PCDHGA3: variants seen among roughly 807,000 people sequenced by gnomAD.
PCDHGA3 encodes the protein protocadherin gamma-A3.
A neutral mutation model predicts 58.5 loss-of-function variants in PCDHGA3; 40 were observed. The ratio of observed to expected loss-of-function variants is 0.68; its 90% CI spans 0.53 to 0.89. The LOEUF (loss-of-function observed/expected upper bound fraction) is 0.89, where lower values mean the gene tolerates loss of function less well. Ranked by LOEUF, PCDHGA3 falls within the 40% of genes least tolerant of loss-of-function variation. The pLI, the probability that PCDHGA3 is intolerant of heterozygous loss-of-function variation, is 0.00. For missense variants in PCDHGA3, 1,223 were observed against 1,195.9 expected, an observed-to-expected ratio of 1.02 and a Z score of -0.33; for synonymous variants, 530 against 525.7, an observed-to-expected ratio of 1.01 and a Z score of -0.11.
chr5:141,358,641 G>A lies in PCDHGA3; in HGVS notation c.2424+12184G>A, dbSNP rs577212064. Among the ~76,000 whole-genome samples the A allele has an allele frequency of 9.9e-5, 15 of 152,162 alleles. No individual in the cohort carries two copies. The East Asian group carries it at 2.7e-3, about 27-fold the overall frequency. On this transcript the variant is annotated intron_variant, in intron 1 of 3. Transcript: ENST00000253812. Reference sequence around the variant, plus strand: ...CCAAGCTAATTTCAGTCATATATAAGTAGATTCTAGGAGTAACTTTAATAA... The same window carrying A: ...CCAAGCTAATTTCAGTCATATATAAATAGATTCTAGGAGTAACTTTAATAA...
intron 1 of PCDHGA3, chr5:141,389,055 A>T: frequency 6.2e-7 from 1 of 1,613,996 alleles, no homozygotes; most frequent in Middle Eastern, 1.6e-4. Flanking sequence ...TGTTCCATTT[A>T]AAATATTAAC....
At position 141,477,115 on chromosome 5, in the gene PCDHGA3, A is replaced by G. The variant is rs1218111107; in HGVS notation, c.2425-17692A>G. ...AAGACAAGGGCGCCAATCCCGAAGG[A>G]GCACATTGCAAAGTGTTGGTGGAGG... On this transcript the variant is annotated intron_variant, in intron 1 of 3. Transcript: ENST00000253812. This position sits in a 1 kb window ranked among gnomAD's most constrained non-coding sequence, Gnocchi z 4.9. 1 of 1,614,230 alleles carries G rather than the reference A, an allele frequency of 6.2e-7. No homozygotes were observed. Among genetic ancestry groups the G allele is most frequent in the South Asian group, 1.1e-5 (1 of 91,090 alleles).
chr5:141,370,506 C>T (rs1435099354), intron 1 of PCDHGA3: 1 of 1,613,912 alleles, frequency 6.2e-7, no homozygotes, highest in South Asian at 1.1e-5. Context: ...CTACGCTATT[C>T]CCGAGGAGCT....
At chr5:141,393,459 G>C (rs988813968) in intron 1 of PCDHGA3, 1 of 1,613,928 alleles carries the variant, frequency 6.2e-7, no homozygotes, top group Non-Finnish European at 8.5e-7. Flanking sequence ...CACGGCCTCG[G>C]ATGGCGGCAA....
chr5:141,413,425 C>T, intron 1 of PCDHGA3: 1 of 1,614,098 alleles, frequency 6.2e-7, no homozygotes, highest in Non-Finnish European at 8.5e-7. Flanking sequence ...TCTGAACCCG[C>T]GCAGCGGCAG....
At chr5:141,417,887 C>T in intron 1 of PCDHGA3, 2 of 1,564,888 alleles carry the variant, frequency 1.3e-6, no homozygotes, top group Non-Finnish European at 1.7e-6. Flanking sequence ...GCAGAGGCGC[C>T]GGGCCGGCCC....
At chr5:141,421,303 G>C in intron 1 of PCDHGA3, 1 of 1,613,660 alleles carries the variant, frequency 6.2e-7, no homozygotes, top group Non-Finnish European at 8.5e-7. Context: ...GACGCTGCGG[G>C]GGTTCCGGGC....
At chr5:141,352,737 C>G (rs1759099142) in intron 1 of PCDHGA3, 1 of 1,490,416 alleles carries the variant, frequency 6.7e-7, no homozygotes. Flanking sequence ...AGCCTGTAAT[C>G]CCAGCACTTA....
intron 1 of PCDHGA3, among the ~76,000 whole-genome samples, chr5:141,459,757 G>T (rs1360124889): frequency 6.6e-6 from 1 of 152,162 alleles, no homozygotes; most frequent in Admixed American, 6.6e-5. Flanking sequence ...ATTCTAGTGG[G>T]TGTGTGATAC....
intron 1 of PCDHGA3, chr5:141,373,991 A>G (rs1241221882): frequency 8.2e-7 from 1 of 1,223,018 alleles, no homozygotes; most frequent in Non-Finnish European, 1.1e-6. Context: ...CTGCTTGTTG[A>G]AGGACCTTCA....
chr5:141,401,353 AAGG>A (rs772220375), intron 1 of PCDHGA3, among the ~76,000 whole-genome samples: 7 of 152,166 alleles, frequency 4.6e-5, no homozygotes, highest in African/African-American at 7.2e-5. Flanking sequence ...AAAAAAAAGG[AAGG>A]AGAAGGAGAG....
chr5:141,431,839 T>A lies in PCDHGA3; in HGVS notation c.2425-62968T>A. The A allele has an allele frequency of 1.2e-6, 2 of 1,614,198 alleles. No individual in the cohort carries two copies. The highest frequency in any genetic ancestry group is 1.7e-6 in the Non-Finnish European group (2 of 1,180,028). The stretch of plus-strand genomic sequence containing the variant: ...TCGCCAGCTCGGTTCCCGAAAACTC[T>A]CCCAGAGGGACATTAATTGCCCTTT... On this transcript the variant is annotated intron_variant, in intron 1 of 3. Coordinates refer to ENST00000253812, the MANE Select transcript of PCDHGA3 (RefSeq NM_018916.4). This position sits in a 1 kb window ranked among gnomAD's most constrained non-coding sequence, Gnocchi z 4.8.
At chr5:141,350,305 G>C in intron 1 of PCDHGA3, 1 of 1,521,886 alleles carries the variant, frequency 6.6e-7, no homozygotes, top group South Asian at 1.3e-5. Context: ...GTCAGGTACT[G>C]TTTCCCTTCC....
intron 1 of PCDHGA3, chr5:141,410,094 C>A: frequency 6.2e-7 from 1 of 1,612,646 alleles, no homozygotes; most frequent in South Asian, 1.1e-5. Context: ...ACGGCTCGAG[C>A]CTTAGGCGAC....
intron 1 of PCDHGA3, chr5:141,367,435 G>A (rs578251021): frequency 6.6e-6 from 1 of 152,322 alleles, no homozygotes; most frequent in African/African-American, 2.4e-5. Flanking sequence ...TACTCGGAAG[G>A]CTGAGGCAGG....
intron 1 of PCDHGA3, chr5:141,410,442 C>T (rs1444532577): frequency 6.2e-7 from 1 of 1,613,942 alleles, no homozygotes; most frequent in East Asian, 2.2e-5. Context: ...AGTGAGGGGA[C>T]TTTGCCTTAT....
intron 1 of PCDHGA3, chr5:141,478,595 T>A: frequency 6.4e-7 from 1 of 1,567,880 alleles, no homozygotes; most frequent in Non-Finnish European, 8.7e-7. Flanking sequence ...TTTTTATTCC[T>A]ACATCATATT....
intron 1 of PCDHGA3, chr5:141,440,369 G>A (rs2098171994): frequency 6.6e-6 from 1 of 152,156 alleles, no homozygotes; most frequent in African/African-American, 2.4e-5. Context: ...GGGGGGCCGA[G>A]GCAGGAGAAT....
chr5:141,465,273 G>A (rs949271610), intron 1 of PCDHGA3, among the ~76,000 whole-genome samples: 1 of 152,068 alleles, frequency 6.6e-6, no homozygotes, highest in Non-Finnish European at 1.5e-5. Context: ...TAGCCATTTA[G>A]TTCACCCCTA....
Sources: allele counts gnomAD v4.1 joint callset (sites outside exome capture counted in the v4.1 genomes callset), GRCh38; gene constraint gnomAD v4.1.1; non-coding constraint Gnocchi (gnomAD v3.1); transcripts MANE v1.5; gene names NCBI Gene and HGNC (gene_info 2026-07-23, HGNC 2026-07-21).